The following COL9A3 variants were observed in gnomAD, a reference collection of about 807,000 sequenced individuals.
The protein encoded by COL9A3 is collagen type IX alpha 3 chain, also known as collagen alpha-3(IX) chain.
In COL9A3, 82 loss-of-function variants were observed where a neutral mutation model predicts 110.2. The observed-to-expected ratio is 0.74, with a 90% CI of 0.62 to 0.89. COL9A3 has a LOEUF of 0.89. Ranked by LOEUF, COL9A3 falls within the 40% of genes least tolerant of loss-of-function variation. The probability of loss-of-function intolerance (pLI) is 0.00; values close to 1 mark genes in which losing one functional copy is unlikely to be tolerated. For synonymous variants in COL9A3, 494 were observed against 403.8 expected, an observed-to-expected ratio of 1.22 and a Z score of -2.68; for missense variants, 1,066 against 981.3, an observed-to-expected ratio of 1.09 and a Z score of -1.15.
chr20:62,832,913 T>G, intron 25 of COL9A3, 107 bp from the exon 26 acceptor site: 1 of 1,081,438 alleles, frequency 9.2e-7, no homozygotes, highest in Non-Finnish European at 1.4e-6. Flanking sequence ...GCCTCGACCT[T>G]AAGATGAACA....
At position 62,817,540 on chromosome 20, in the gene COL9A3, C is replaced by A. The variant is rs564594542; in HGVS notation, c.79-27C>A. On this transcript the variant is annotated intron_variant, in intron 1 of 31. Transcript: ENST00000649368. ...GGTCAGGCCCACGGGGGCACCTGCG[C>A]TCCTTAATGAGTTTTCTCCGTTTCA... The A allele has an allele frequency of 7.3e-6, 11 of 1,509,548 alleles. No individual in the cohort carries two copies. In the South Asian group the frequency reaches 1.1e-4, roughly 15 times the overall value. The allele number at this position is 1,509,548 out of a possible 1,614,324, so 93.5% of individuals were successfully genotyped here.
At chr20:62,820,494 C>T (rs552893601) in intron 5 of COL9A3, among the ~76,000 whole-genome samples, 3 of 152,342 alleles carry the variant, frequency 2.0e-5, no homozygotes, top group South Asian at 2.1e-4. Context: ...AACCGGGTGC[C>T]ACTGGCCCCA....
At position 62,837,133 on chromosome 20, in the gene COL9A3, T is replaced by C. The variant is rs2063642783; in HGVS notation, c.1654T>C (p.Ser552Pro). Residue 552 changes from serine (S) to proline (P), a missense_variant, in exon 30 of 32, where the codon TCC (serine) becomes CCC (proline). By Grantham distance (74) the Ser-to-Pro change is moderately conservative. Coordinates refer to ENST00000649368, the MANE Select transcript of COL9A3 (RefSeq NM_001853.4). ...AHLRKPLAPG[S>P]IGRPGPAGPP... ...CCTAAGGAAGCCTTTGGCACCCGGG[T>C]CCATTGGTCGGCCCGGTCCAGCTGG... is the stretch of plus-strand genomic sequence containing the variant. 5 of 1,613,372 alleles carry C rather than the reference T, an allele frequency of 3.1e-6. 1 individual carries two copies. In the African/African-American group the frequency reaches 5.3e-5, roughly 17 times the overall value.
intron 11 of COL9A3, 77 bp downstream of exon 11, chr20:62,824,578 A>C: frequency 7.0e-7 from 1 of 1,436,844 alleles, no homozygotes; most frequent in Non-Finnish European, 9.6e-7. Context: ...GGGGCTGTGG[A>C]GGTGGCGGGT....
intron 7 of COL9A3, 81 bp from the exon 8 acceptor site, chr20:62,821,676 G>T: frequency 6.5e-7 from 1 of 1,544,492 alleles, no homozygotes; most frequent in South Asian, 1.1e-5. Context: ...CTCTCCCTTC[G>T]GAGGCGGCAC....
intron 26 of COL9A3, 147 bp downstream of exon 26, chr20:62,833,211 G>A (rs2063609989): frequency 1.5e-5 from 11 of 737,934 alleles, no homozygotes. Flanking sequence ...GATGGAGCAG[G>A]GTCGGGCAGA....
chr20:62,825,672 T>G, intron 12 of COL9A3, 145 bp from the exon 13 acceptor site: 1 of 804,432 alleles, frequency 1.2e-6, no homozygotes, highest in Non-Finnish European at 2.1e-6. Context: ...TGTGGGCAAG[T>G]GTCCCCTTCA....
chr20:62,836,675 G>C, intron 29 of COL9A3, 143 bp downstream of exon 29: 4 of 902,762 alleles, frequency 4.4e-6, no homozygotes, highest in Non-Finnish European at 6.6e-6. Flanking sequence ...TAGCCCTTGG[G>C]GGTCCACGTC....
chr20:62,832,341 G>C, intron 25 of COL9A3, 152 bp downstream of exon 25: 1 of 804,730 alleles, frequency 1.2e-6, no homozygotes, highest in Non-Finnish European at 2.1e-6. Context: ...GCCCTTTCTG[G>C]CTCCTGCCCC....
rs559028025 is a variant in COL9A3, at chr20:62,828,947, C to G, written c.979C>G (p.Pro327Ala). The G allele has an allele frequency of 6.2e-7, 1 of 1,611,022 alleles. No homozygotes were observed. ...QKGEAGRNGA[P>A]GEKGPNGLPG... ...GGGAGAGGCTGGTCGCAACGGTGCT[C>G]CGGGAGAGAAGGGCCCCAACGGGCT... is the stretch of plus-strand genomic sequence containing the variant. The change falls in exon 19 of 32, where the codon CCG (proline) becomes GCG (alanine). Residue 327 changes from proline to alanine, a missense_variant. Physicochemically the swap from Pro to Ala is conservative, Grantham distance 27. Transcript: ENST00000649368.
At position 62,824,538 on chromosome 20, in the gene COL9A3, GT is replaced by G. The variant is rs1462431561; in HGVS notation, c.576+38del. 2.6e-6 allele frequency: 4 copies of G among 1,558,438 alleles called. No homozygotes were observed. The African/African-American group carries it at 5.4e-5, about 21-fold the overall frequency. On this transcript the variant is annotated intron_variant, in intron 11 of 31. Transcript: ENST00000649368. ...GTGACTGGGACCCAAGCACCACCCT[GT>G]GCTGGGCAGGAGGCAGCTGGGCTCC... is the stretch of plus-strand genomic sequence containing the variant.
chr20:62,840,137 G>A (rs978789028), intron 31 of COL9A3, among the ~76,000 whole-genome samples: 2 of 151,730 alleles, frequency 1.3e-5, no homozygotes, highest in Non-Finnish European at 2.9e-5. Context: ...CCACTTAGGC[G>A]GCTGACTCCC....
intron 27 of COL9A3, 81 bp downstream of exon 27, chr20:62,836,034 C>T: frequency 1.2e-6 from 2 of 1,609,104 alleles, no homozygotes; most frequent in Middle Eastern, 1.7e-4. Flanking sequence ...AACCAGGCAG[C>T]CCTGCAGGGC....
chr20:62,836,892 A>G, intron 29 of COL9A3, 191 bp from the exon 30 acceptor site: 2 of 809,550 alleles, frequency 2.5e-6, no homozygotes, highest in Admixed American at 1.9e-5. Context: ...CAGGCTTCTC[A>G]GGCTCCAAGG....
At chr20:62,816,997 G>A, upstream of COL9A3, 2 of 950,060 alleles carry the variant, frequency 2.1e-6, no homozygotes, top group Non-Finnish European at 2.7e-6. Context: ...GGAAGGGGCC[G>A]CCCACCTCCC....
chr20:62,817,432 CCCGAGGCTTTGGG>C, intron 1 of COL9A3, 122 bp from the exon 2 acceptor site: 1 of 658,464 alleles, frequency 1.5e-6, no homozygotes, highest in Non-Finnish European at 2.5e-6. Flanking sequence ...CCGGGCTCCG[CCCGAGGCTTTGGG>C]TCTCACCGAG....
At chr20:62,825,646 G>A (rs1036681740) in intron 12 of COL9A3, 171 bp from the exon 13 acceptor site, 5 of 699,972 alleles carry the variant, frequency 7.1e-6, no homozygotes, top group Non-Finnish European at 5.1e-6. Flanking sequence ...CGAGACTCGC[G>A]GGACTGCTCT....
At chr20:62,826,842 G>A in intron 15 of COL9A3, 22 bp downstream of exon 15, 1 of 1,612,166 alleles carries the variant, frequency 6.2e-7, no homozygotes. Context: ...AGTGGACGGT[G>A]GGCGCCATGC....
At chr20:62,836,631 G>A in intron 29 of COL9A3, 99 bp downstream of exon 29, 1 of 1,281,496 alleles carries the variant, frequency 7.8e-7, no homozygotes, top group Non-Finnish European at 1.1e-6. Context: ...CTGCTTTCCA[G>A]CCAAAGTGAG....
Sources: allele counts gnomAD v4.1 joint callset (sites outside exome capture counted in the v4.1 genomes callset), GRCh38; gene constraint gnomAD v4.1.1; transcripts MANE v1.5; gene names NCBI Gene and HGNC (gene_info 2026-07-23, HGNC 2026-07-21).